AMBRA1: variants seen among roughly 807,000 people sequenced by gnomAD.
The protein encoded by AMBRA1 is activating molecule in BECN1-regulated autophagy protein 1.
AMBRA1 carries 47 observed loss-of-function variants against 125.4 expected under a neutral mutation model. The ratio of observed to expected loss-of-function variants is 0.37; its 90% CI spans 0.30 to 0.48. The LOEUF is 0.48. AMBRA1 is among the 20% of genes least tolerant of loss of function. The pLI is 0.99. For synonymous variants in AMBRA1, 626 were observed against 655.5 expected, an observed-to-expected ratio of 0.95 and a Z score of 0.69; for missense variants, 1,331 against 1,693.4, an observed-to-expected ratio of 0.79 and a Z score of 3.76.
At chr11:46,575,434 G>T in intron 1 of AMBRA1, among the ~76,000 whole-genome samples, 2 of 149,158 alleles carry the variant, frequency 1.3e-5, no homozygotes, top group Non-Finnish European at 3.0e-5. Flanking sequence ...TCTAGCCTGG[G>T]CAACAAGAGC....
At position 46,452,042 on chromosome 11, in the gene AMBRA1, T is replaced by C. The variant is rs1948625205; in HGVS notation, c.2522-8444A>G. On this transcript the variant is annotated intron_variant, in intron 11 of 17. Coordinates refer to ENST00000683756, the MANE Select transcript of AMBRA1 (RefSeq NM_001387011.1). ...GAAATATCTAGATAGAGGTGATGAC[T>C]GCACAACTCTATATACTAAAAGCCA... Among the ~76,000 whole-genome samples the C allele has an allele frequency of 1.3e-5, 2 of 151,860 alleles. 1 individual carries two copies. Among genetic ancestry groups the C allele is most frequent in the Non-Finnish European group, 2.9e-5 (2 of 67,942 alleles).
At chr11:46,533,274 T>C (rs1405618090) in intron 7 of AMBRA1, among the ~76,000 whole-genome samples, 1 of 152,274 alleles carries the variant, frequency 6.6e-6, no homozygotes, top group East Asian at 1.9e-4. Context: ...AGCAGATCTC[T>C]GAGCAGTGGC....
chr11:46,505,502 G>C (rs1263929418), intron 9 of AMBRA1, among the ~76,000 whole-genome samples: 1 of 152,102 alleles, frequency 6.6e-6, no homozygotes, highest in Non-Finnish European at 1.5e-5. Context: ...GTCTACATCA[G>C]CCCAAAAAGA....
intron 1 of AMBRA1, among the ~76,000 whole-genome samples, chr11:46,558,050 CCTT>C (rs1256627202): frequency 6.6e-6 from 1 of 152,128 alleles, no homozygotes; most frequent in Non-Finnish European, 1.5e-5. Context: ...ATGAGTGAAA[CCTT>C]CTTAGACCTT....
In AMBRA1 at chr11:46,400,473, G is replaced by GTTT. The variant is rs553040136; in HGVS notation, c.3404-2533_3404-2531dup. On this transcript the variant is annotated intron_variant, in intron 17 of 17. Coordinates refer to ENST00000683756, the MANE Select transcript of AMBRA1 (RefSeq NM_001387011.1). ...CCTCATGCTTCTAGTTCTTTCTATA[G>GTTT]TTTTTTTTTTTTTTTTTTTTTTTTT... is the stretch of plus-strand genomic sequence containing the variant. Among the ~76,000 whole-genome samples the GTTT allele has an allele frequency of 1.4e-3, 69 of 48,892 alleles. 19 individuals carry two copies. Among genetic ancestry groups the GTTT allele is most frequent in the Non-Finnish European group, 1.7e-3 (40 of 24,034 alleles). 32.1% of individuals were successfully genotyped at this position (48,892 alleles called of 152,430 possible). A position where few individuals can be genotyped will look rare whatever the true frequency, so the allele number is the denominator to read the frequency against.
At chr11:46,422,983 TGTGAG>T (rs2136667763) in intron 14 of AMBRA1, among the ~76,000 whole-genome samples, 1 of 152,204 alleles carries the variant, frequency 6.6e-6, no homozygotes, top group African/African-American at 2.4e-5. Flanking sequence ...AGAAAGGAAC[TGTGAG>T]GAGGAAAGAT....
intron 1 of AMBRA1, among the ~76,000 whole-genome samples, chr11:46,559,644 T>G (rs983512848): frequency 1.3e-5 from 2 of 152,122 alleles, no homozygotes; most frequent in African/African-American, 4.8e-5. Flanking sequence ...CCTAATTTAC[T>G]CCCTAAGAAA....
intron 11 of AMBRA1, among the ~76,000 whole-genome samples, chr11:46,487,719 T>C (rs2136940113): frequency 6.6e-6 from 1 of 152,190 alleles, no homozygotes; most frequent in Non-Finnish European, 1.5e-5. Context: ...ATGATACCCA[T>C]TTAATACAAA....
Position 46,445,271 on chromosome 11 carries a change from A to G in AMBRA1, c.2522-1673T>C, listed in dbSNP as rs578200916. Among the ~76,000 whole-genome samples the G allele has an allele frequency of 1.4e-4, 21 of 152,234 alleles. No individual in the cohort carries two copies. In the East Asian group the frequency reaches 3.3e-3, roughly 24 times the overall value. On this transcript the variant is annotated intron_variant, in intron 11 of 17. Transcript: ENST00000683756. ...TAAAACAAACCGTTCTAGATAAATGAATACCCACAAAACAAGACATCCTTT... is the reference window on the plus strand; with the variant it reads ...TAAAACAAACCGTTCTAGATAAATGGATACCCACAAAACAAGACATCCTTT...
At position 46,542,140 on chromosome 11, in the gene AMBRA1, G is replaced by A. The variant is rs529035577; in HGVS notation, c.1877C>T (p.Thr626Met). ...LPPLERTEGQ[T>M]PSSSRLELSS... Reference sequence around the variant, plus strand: ...CAACTCCAGCCTGCTGGAGCTGGGCGTTTGGCCCTCAGTCCGCTCGAGAGG... The same window carrying A: ...CAACTCCAGCCTGCTGGAGCTGGGCATTTGGCCCTCAGTCCGCTCGAGAGG... Residue 626 changes from threonine to methionine, a missense_variant, in exon 7 of 18, where the codon ACG becomes ATG. Thr to Met is a moderately conservative substitution (Grantham distance 81). Around this residue, in one of 4 missense-constraint regions of AMBRA1, gnomAD observed 689 missense variants for 776.5 expected, o/e 0.89. Coordinates refer to ENST00000683756, the MANE Select transcript of AMBRA1 (RefSeq NM_001387011.1). This position sits in a 1 kb window ranked among gnomAD's most constrained non-coding sequence, Gnocchi z 5.9. The A allele has an allele frequency of 1.3e-5, 21 of 1,614,010 alleles. No individual in the cohort carries two copies. The highest frequency in any genetic ancestry group is 1.7e-4 in the Middle Eastern group (1 of 6,060).
At chr11:46,521,384 T>C (rs1411310655) in intron 7 of AMBRA1, among the ~76,000 whole-genome samples, 1 of 152,264 alleles carries the variant, frequency 6.6e-6, no homozygotes, top group East Asian at 1.9e-4. Flanking sequence ...GCTCCTGGAC[T>C]GTAAATTGCC....
chr11:46,526,831 A>G (rs1018485839), intron 7 of AMBRA1, among the ~76,000 whole-genome samples: 3 of 152,248 alleles, frequency 2.0e-5, no homozygotes, highest in Non-Finnish European at 4.4e-5. Context: ...GTAGTTCCTT[A>G]TCTTTGTAAA....
At chr11:46,403,536 CTAGGGAG>C (rs903028209) in intron 17 of AMBRA1, among the ~76,000 whole-genome samples, 55 of 152,328 alleles carry the variant, frequency 3.6e-4, no homozygotes, top group African/African-American at 1.3e-3. Context: ...CCACTGCAAG[CTAGGGAG>C]GCACTGTCAT....
chr11:46,578,364 G>C (rs1178489923), intron 1 of AMBRA1, among the ~76,000 whole-genome samples: 1 of 150,752 alleles, frequency 6.6e-6, no homozygotes, highest in African/African-American at 2.4e-5. Context: ...ATGTGCGCTT[G>C]TAATCCCAGC....
chr11:46,520,750 C>G (rs1053081788), intron 7 of AMBRA1, among the ~76,000 whole-genome samples: 2 of 151,414 alleles, frequency 1.3e-5, no homozygotes, highest in African/African-American at 4.8e-5. Context: ...CGCCCACCAC[C>G]AAGCCCGGCT....
chr11:46,484,987 G>A (rs1003618190), intron 11 of AMBRA1, among the ~76,000 whole-genome samples: 4 of 150,728 alleles, frequency 2.7e-5, no homozygotes, highest in African/African-American at 9.8e-5. Flanking sequence ...CCCCAGGCTG[G>A]AGTGCAATGG....
chr11:46,462,337 T>A (rs1017852840), intron 11 of AMBRA1, among the ~76,000 whole-genome samples: 11 of 152,168 alleles, frequency 7.2e-5, no homozygotes, highest in African/African-American at 2.4e-4. Flanking sequence ...CAGGAAATAA[T>A]CTTGCAGTCA....
At chr11:46,418,332 GTATTTTA>G (rs1565136454) in intron 14 of AMBRA1, among the ~76,000 whole-genome samples, 2 of 4,908 alleles carry the variant, frequency 4.1e-4, no homozygotes, top group Non-Finnish European at 7.8e-4. Context: ...ATATAAATAT[GTATTTTA>G]TTATTTATAT....
intron 11 of AMBRA1, among the ~76,000 whole-genome samples, chr11:46,485,298 T>C (rs964240687): frequency 2.6e-5 from 4 of 152,228 alleles, no homozygotes; most frequent in Non-Finnish European, 5.9e-5. Context: ...GTATACCATA[T>C]AAATGACAGC....
Sources: allele counts gnomAD v4.1 joint callset (sites outside exome capture counted in the v4.1 genomes callset), GRCh38; gene constraint gnomAD v4.1.1; regional missense constraint gnomAD v4.1.1; non-coding constraint Gnocchi (gnomAD v3.1); transcripts MANE v1.5; gene names NCBI Gene and HGNC (gene_info 2026-07-23, HGNC 2026-07-21).